LRFN2: variants seen among roughly 807,000 people sequenced by gnomAD.
LRFN2 encodes the protein leucine rich repeat and fibronectin type III domain containing 2.
Under a neutral mutation model 37.3 loss-of-function variants are expected in LRFN2, and 18 were observed. The observed-to-expected ratio is 0.48, with a 90% CI of 0.33 to 0.72. The LOEUF (loss-of-function observed/expected upper bound fraction) is 0.72. Ranked by LOEUF, LRFN2 falls within the 30% of genes least tolerant of loss-of-function variation. The probability of loss-of-function intolerance (pLI) is 0.02; values close to 1 mark genes in which losing one functional copy is unlikely to be tolerated. For synonymous variants in LRFN2, 556 were observed against 466.6 expected (o/e 1.19, Z -2.47); for missense variants, 1,006 against 1,060.7 (o/e 0.95, Z 0.72).
At chr6:40,420,186 C>T (rs1441398951) in intron 2 of LRFN2, among the ~76,000 whole-genome samples, 2 of 152,224 alleles carry the variant, frequency 1.3e-5, no homozygotes, top group Non-Finnish European at 2.9e-5. Context: ...CTCGTTCATC[C>T]ACAGTGCTTG....
In LRFN2 at chr6:40,392,007, C is replaced by T; in HGVS notation, c.2306G>A (p.Ser769Asn). The T allele has an allele frequency of 6.2e-7, 1 of 1,610,826 alleles. No individual in the cohort carries two copies. Among genetic ancestry groups the T allele is most frequent in the Admixed American group, 1.7e-5 (1 of 59,600 alleles). ...VNGMLLPFEE[S>N]DLVGARGTFG... ...AGTCCCCCGGGCCCCCACCAGGTCA[C>T]TCTCCTCAAAGGGCAAGAGCATGCC... Residue 769 changes from serine to asparagine, a missense_variant, in exon 3 of 3, where the codon AGT becomes AAT. By Grantham distance (46) the Ser-to-Asn change is conservative. Around this residue, in one of 4 missense-constraint regions of LRFN2, gnomAD observed 398 missense variants for 327.6 expected, o/e 1.21. Coordinates refer to ENST00000338305, the MANE Select transcript of LRFN2 (RefSeq NM_020737.3). This position sits in a 1 kb window ranked among gnomAD's most constrained non-coding sequence, Gnocchi z 4.7.
intron 2 of LRFN2, among the ~76,000 whole-genome samples, chr6:40,419,127 A>G (rs904616495): frequency 1.2e-4 from 18 of 152,180 alleles, no homozygotes; most frequent in Non-Finnish European, 2.5e-4. Context: ...CTGCCCTCTA[A>G]GGGGGCTTTC....
At chr6:40,578,985 T>C (rs1767343624) in intron 1 of LRFN2, among the ~76,000 whole-genome samples, 1 of 152,228 alleles carries the variant, frequency 6.6e-6, no homozygotes, top group African/African-American at 2.4e-5. Flanking sequence ...GCCTTGTGTA[T>C]CTGCTTTGTC....
chr6:40,457,589 T>C (rs1482332570), intron 1 of LRFN2, among the ~76,000 whole-genome samples: 2 of 136,894 alleles, frequency 1.5e-5, no homozygotes, highest in African/African-American at 5.6e-5. Context: ...CAGTGAGCCA[T>C]GATCATACCT....
At chr6:40,463,861 A>G (rs1561866203) in intron 1 of LRFN2, among the ~76,000 whole-genome samples, 1 of 151,940 alleles carries the variant, frequency 6.6e-6, no homozygotes, top group Non-Finnish European at 1.5e-5. Context: ...TATTTTTTGT[A>G]GAAACAGGGC....
At chr6:40,512,529 C>A (rs1435206931) in intron 1 of LRFN2, among the ~76,000 whole-genome samples, 2 of 152,148 alleles carry the variant, frequency 1.3e-5, no homozygotes, top group East Asian at 1.9e-4. Context: ...ATTCTGTGCC[C>A]CCAGGCCAGG....
intron 1 of LRFN2, among the ~76,000 whole-genome samples, chr6:40,449,839 A>C (rs1764062442): frequency 6.6e-6 from 1 of 152,184 alleles, no homozygotes; most frequent in Admixed American, 6.5e-5. Flanking sequence ...AATGCTGTTC[A>C]CCCAAATATA....
chr6:40,504,194 T>A (rs945624611), intron 1 of LRFN2, among the ~76,000 whole-genome samples: 1 of 152,204 alleles, frequency 6.6e-6, no homozygotes, highest in African/African-American at 2.4e-5. Context: ...CAGTAAAAGC[T>A]GGAATGACTT....
intron 1 of LRFN2, among the ~76,000 whole-genome samples, chr6:40,582,295 G>A (rs1453796862): frequency 6.6e-6 from 1 of 151,800 alleles, no homozygotes; most frequent in Non-Finnish European, 1.5e-5. Context: ...CCTGCTGGTG[G>A]GTGAATTAAT....
chr6:40,477,572 C>G (rs369635526), intron 1 of LRFN2, among the ~76,000 whole-genome samples: 1 of 152,184 alleles, frequency 6.6e-6, no homozygotes, highest in Non-Finnish European at 1.5e-5. Context: ...TCCAGAATGG[C>G]GCTGAGTGCA....
chr6:40,496,390 C>T (rs527675192), intron 1 of LRFN2, among the ~76,000 whole-genome samples: 1 of 152,142 alleles, frequency 6.6e-6, no homozygotes, highest in Non-Finnish European at 1.5e-5. Flanking sequence ...CCCGCTGCAC[C>T]AGGGGTAAAA....
intron 1 of LRFN2, among the ~76,000 whole-genome samples, chr6:40,552,294 C>A (rs979956651): frequency 3.3e-5 from 5 of 152,202 alleles, no homozygotes; most frequent in African/African-American, 1.2e-4. Flanking sequence ...TCTTAATGTG[C>A]ATACAAATCA....
chr6:40,427,078 A>T (rs1763370257), intron 2 of LRFN2, among the ~76,000 whole-genome samples: 1 of 152,240 alleles, frequency 6.6e-6, no homozygotes, highest in African/African-American at 2.4e-5. Context: ...GAACTTGTGC[A>T]ATTGCAATTG....
intron 1 of LRFN2, among the ~76,000 whole-genome samples, chr6:40,520,519 T>C (rs1369527797): frequency 6.6e-6 from 1 of 152,136 alleles, no homozygotes; most frequent in African/African-American, 2.4e-5. Flanking sequence ...CACCTAACCA[T>C]CCAGCCATCT....
chr6:40,399,432 T>C (rs1369026746), intron 2 of LRFN2, among the ~76,000 whole-genome samples: 1 of 117,460 alleles, frequency 8.5e-6, no homozygotes, highest in African/African-American at 3.4e-5. Context: ...TTTTCTTTTT[T>C]TTTTTCTTTT....
chr6:40,477,718 TCTC>T (rs1764739662), intron 1 of LRFN2, among the ~76,000 whole-genome samples: 1 of 152,100 alleles, frequency 6.6e-6, no homozygotes, highest in Non-Finnish European at 1.5e-5. Context: ...GTCCCACTTG[TCTC>T]CTCCTAGGAA....
intron 1 of LRFN2, among the ~76,000 whole-genome samples, chr6:40,544,399 A>C (rs1766615541): frequency 6.6e-6 from 1 of 152,182 alleles, no homozygotes; most frequent in African/African-American, 2.4e-5. Context: ...TTTGTTTCCC[A>C]ACCCCTCTTC....
intron 1 of LRFN2, among the ~76,000 whole-genome samples, chr6:40,499,452 C>A (rs1464052303): frequency 6.6e-6 from 1 of 152,098 alleles, no homozygotes; most frequent in Non-Finnish European, 1.5e-5. Context: ...GGAAAGCTGA[C>A]TCCCAGGGTC....
At chr6:40,444,072 A>T (rs1323564646) in intron 1 of LRFN2, among the ~76,000 whole-genome samples, 1 of 152,206 alleles carries the variant, frequency 6.6e-6, no homozygotes, top group Non-Finnish European at 1.5e-5. Context: ...GCCAAGGGGT[A>T]AGGAAACTTG....
Sources: allele counts gnomAD v4.1 joint callset (sites outside exome capture counted in the v4.1 genomes callset), GRCh38; gene constraint gnomAD v4.1.1; regional missense constraint gnomAD v4.1.1; non-coding constraint Gnocchi (gnomAD v3.1); transcripts MANE v1.5; gene names NCBI Gene and HGNC (gene_info 2026-07-23, HGNC 2026-07-21).